RBFOX1: variants seen among roughly 807,000 people sequenced by gnomAD.
The protein encoded by RBFOX1 is RNA binding fox-1 homolog 1.
Under a neutral mutation model 57.7 loss-of-function variants are expected in RBFOX1, and 8 were observed. The ratio of observed to expected loss-of-function variants is 0.14; its 90% CI spans 0.08 to 0.25. The LOEUF (loss-of-function observed/expected upper bound fraction) is 0.25, where lower values mean the gene tolerates loss of function less well. Ranked by LOEUF, RBFOX1 falls within the 10% of genes least tolerant of loss-of-function variation. RBFOX1 has a pLI of 1.00. For synonymous variants in RBFOX1, 326 were observed against 222.4 expected, an observed-to-expected ratio of 1.47 and a Z score of -4.15; for missense variants, 611 against 548.5, an observed-to-expected ratio of 1.11 and a Z score of -1.14.
chr16:6,314,589 G>A (rs760060540), intron 1 of RBFOX1, among the ~76,000 whole-genome samples: 1 of 152,136 alleles, frequency 6.6e-6, no homozygotes, highest in Non-Finnish European at 1.5e-5. Context: ...AGTGCACTGT[G>A]TCTTAAGTAT....
At chr16:6,036,092 G>A (rs959187438) in intron 1 of RBFOX1, among the ~76,000 whole-genome samples, 6 of 152,150 alleles carry the variant, frequency 3.9e-5, no homozygotes, top group African/African-American at 7.2e-5. Flanking sequence ...TTCAAAGCCT[G>A]GTGGAGGCAG....
intron 3 of RBFOX1, among the ~76,000 whole-genome samples, chr16:7,012,884 G>A (rs1353775914): frequency 6.6e-6 from 1 of 152,146 alleles, no homozygotes; most frequent in Non-Finnish European, 1.5e-5. Context: ...CATAGCTGGG[G>A]AGGCTGGAAG....
intron 2 of RBFOX1, among the ~76,000 whole-genome samples, chr16:5,520,660 T>C (rs1597382463): frequency 6.6e-6 from 1 of 152,324 alleles, no homozygotes; most frequent in Non-Finnish European, 1.5e-5. Context: ...TGCTCTCTCT[T>C]CTGAAAAGAG....
chr16:6,250,809 A>G (rs1302891732), intron 1 of RBFOX1, among the ~76,000 whole-genome samples: 1 of 152,210 alleles, frequency 6.6e-6, no homozygotes, highest in Non-Finnish European at 1.5e-5. Flanking sequence ...CCCAAATGGC[A>G]GACATAGTAT....
chr16:7,033,244 G>C (rs568859540), intron 3 of RBFOX1, among the ~76,000 whole-genome samples: 1 of 152,332 alleles, frequency 6.6e-6, no homozygotes, highest in African/African-American at 2.4e-5. Flanking sequence ...AACAGGACGG[G>C]CACAGTGGGT....
chr16:6,697,084 T>C (rs923056774), intron 3 of RBFOX1, among the ~76,000 whole-genome samples: 1 of 152,226 alleles, frequency 6.6e-6, no homozygotes, highest in Non-Finnish European at 1.5e-5. Flanking sequence ...CCCTTCAGAA[T>C]TTCTTCTGGG....
chr16:7,176,771 C>A (rs1007377307), intron 4 of RBFOX1, among the ~76,000 whole-genome samples: 1 of 152,034 alleles, frequency 6.6e-6, no homozygotes, highest in Non-Finnish European at 1.5e-5. Context: ...AGACACGACA[C>A]ATATAAATAA....
chr16:7,708,906 CTT>C (rs1568608523), intron 14 of RBFOX1, 148 bp from the exon 15 acceptor site: 2 of 669,762 alleles, frequency 3.0e-6, no homozygotes, highest in Non-Finnish European at 5.3e-6. Context: ...CAGATGAACT[CTT>C]CTTATACTAC....
intron 3 of RBFOX1, among the ~76,000 whole-genome samples, chr16:6,853,854 G>C (rs772416442): frequency 1.3e-5 from 2 of 152,182 alleles, no homozygotes; most frequent in Non-Finnish European, 2.9e-5. Flanking sequence ...GACAAATGAT[G>C]AGTATGGTAA....
At chr16:6,128,011 A>G (rs986240581) in intron 1 of RBFOX1, among the ~76,000 whole-genome samples, 1 of 152,138 alleles carries the variant, frequency 6.6e-6, no homozygotes, top group Non-Finnish European at 1.5e-5. Context: ...GTGCTTAAAG[A>G]TATCTGGAGC....
chr16:7,206,069 G>C (rs546360630), intron 4 of RBFOX1, among the ~76,000 whole-genome samples: 1 of 152,250 alleles, frequency 6.6e-6, no homozygotes, highest in South Asian at 2.1e-4. Context: ...ACTGACACTA[G>C]GAACTCAGTA....
At chr16:6,429,677 G>C (rs560089999) in intron 2 of RBFOX1, among the ~76,000 whole-genome samples, 1 of 152,150 alleles carries the variant, frequency 6.6e-6, no homozygotes, top group African/African-American at 2.4e-5. Context: ...TCTTCTCATG[G>C]GAGTGAATAA....
At chr16:7,248,025 A>C (rs2094372317) in intron 4 of RBFOX1, among the ~76,000 whole-genome samples, 1 of 152,216 alleles carries the variant, frequency 6.6e-6, no homozygotes, top group African/African-American at 2.4e-5. Context: ...CTGCACATGT[A>C]CCTCTGAACC....
chr16:6,881,422 G>T (rs2153336237), intron 3 of RBFOX1, among the ~76,000 whole-genome samples: 1 of 152,290 alleles, frequency 6.6e-6, no homozygotes, highest in South Asian at 2.1e-4. Context: ...TGGCAAGATT[G>T]GTTCCTTCTG....
chr16:7,378,376 G>C (rs74010697), intron 4 of RBFOX1, among the ~76,000 whole-genome samples: 2,901 of 152,226 alleles, frequency 0.019, 96 homozygotes, highest in African/African-American at 0.063. Flanking sequence ...GAGACCTCAC[G>C]AAACCAAGCC....
At chr16:5,291,342 A>C (rs2063530420) in intron 1 of RBFOX1, among the ~76,000 whole-genome samples, 1 of 143,432 alleles carries the variant, frequency 7.0e-6, no homozygotes, top group Admixed American at 7.3e-5. Flanking sequence ...TGCTCACTGC[A>C]AGCTCCGCCT....
chr16:6,847,053 C>T (rs982449817), intron 3 of RBFOX1, among the ~76,000 whole-genome samples: 3 of 152,140 alleles, frequency 2.0e-5, no homozygotes, highest in South Asian at 2.1e-4. Flanking sequence ...TTCATTTCTG[C>T]CTCTCTTGTA....
intron 3 of RBFOX1, among the ~76,000 whole-genome samples, chr16:7,041,621 A>G (rs189245801): frequency 6.6e-6 from 1 of 152,156 alleles, no homozygotes; most frequent in South Asian, 2.1e-4. Context: ...CCCTCGAAAC[A>G]GTCAGTACCA....
chr16:5,866,498 G>C (rs1406170118), intron 3 of RBFOX1, among the ~76,000 whole-genome samples: 1 of 152,162 alleles, frequency 6.6e-6, no homozygotes, highest in Non-Finnish European at 1.5e-5. Context: ...AAGATAGAAA[G>C]CTTCTTAAGA....
Sources: gnomAD v4.1 joint callset for allele counts (sites outside exome capture counted in the v4.1 genomes callset) on GRCh38, gnomAD v4.1.1 for gene constraint, MANE v1.5 for transcripts, NCBI Gene and HGNC (gene_info 2026-07-23, HGNC 2026-07-21) for gene names.